The following COLEC11 variants were observed in gnomAD, a reference collection of about 807,000 sequenced individuals.
The protein encoded by COLEC11 is collectin subfamily member 11.
In COLEC11, 20 loss-of-function variants were observed where a neutral mutation model predicts 27.3. The ratio of observed to expected loss-of-function variants is 0.73; its 90% confidence interval spans 0.51 to 1.06. COLEC11 has a LOEUF of 1.06. Ranked by LOEUF, COLEC11 falls within the 50% of genes least tolerant of loss-of-function variation. COLEC11 has a pLI of 0.00. For missense variants in COLEC11, 310 were observed against 383.0 expected (o/e 0.81, Z 1.59); for synonymous variants, 163 against 154.7 (o/e 1.05, Z -0.40).
chr2:3,617,761 G>C, intron 3 of COLEC11: 1 of 1,108,560 alleles, frequency 9.0e-7, no homozygotes, highest in Non-Finnish European at 1.4e-6. Flanking sequence ...CTGAGTTGTC[G>C]CTTTTGATTT....
At chr2:3,596,315 A>AT (rs1030932128) in intron 1 of COLEC11, among the ~76,000 whole-genome samples, 5 of 146,718 alleles carry the variant, frequency 3.4e-5, no homozygotes, top group African/African-American at 1.3e-4. Flanking sequence ...TGAAGCCATG[A>AT]TTTTTTCTCA....
intron 1 of COLEC11, among the ~76,000 whole-genome samples, chr2:3,598,677 G>A (rs1010656611): frequency 2.6e-5 from 4 of 152,096 alleles, no homozygotes; most frequent in Non-Finnish European, 5.9e-5. Flanking sequence ...CACAGGCAGC[G>A]GGTGAGGGGT....
intron 4 of COLEC11, among the ~76,000 whole-genome samples, chr2:3,638,062 G>T (rs1395951709): frequency 6.6e-6 from 1 of 152,242 alleles, no homozygotes; most frequent in Admixed American, 6.5e-5. Flanking sequence ...GCAGCAGCGG[G>T]TGTGGGCAGC....
chr2:3,640,936 C>T (rs1351996414), intron 5 of COLEC11, among the ~76,000 whole-genome samples: 2 of 134,848 alleles, frequency 1.5e-5, no homozygotes, highest in Admixed American at 7.2e-5. Context: ...CACCCACCCC[C>T]GTCACATCCC....
chr2:3,637,570 T>TGA lies in COLEC11; in HGVS notation c.240_241insGA (p.Arg81AspfsTer21), dbSNP rs762031914. ...ACAAAGGACAGAAAGGCAGTGTGGG[T>TGA]CGTCATGGAAAAATTGGTCCCATTG... On this transcript the variant is annotated frameshift_variant, in exon 4 of 7. Transcript: ENST00000349077. LOFTEE classifies it high-confidence loss of function. 27 of 1,614,100 alleles carry TGA rather than the reference T, an allele frequency of 1.7e-5. No individual in the cohort carries two copies. In the African/African-American group the frequency reaches 3.3e-4, roughly 20 times the overall value.
intron 2 of COLEC11, among the ~76,000 whole-genome samples, chr2:3,609,869 G>T (rs545942067): frequency 6.6e-6 from 1 of 152,318 alleles, no homozygotes; most frequent in South Asian, 2.1e-4. Flanking sequence ...TTGCTGTGTT[G>T]CCCAGGCTGG....
chr2:3,606,298 G>A (rs7561319), intron 2 of COLEC11: 107,844 of 1,470,892 alleles, frequency 0.073, 6,681 homozygotes, highest in African/African-American at 0.32. Flanking sequence ...TCCTTTCTGG[G>A]CGCCGCCTTT....
intron 2 of COLEC11, chr2:3,606,068 A>T: frequency 1.9e-6 from 3 of 1,548,234 alleles, no homozygotes; most frequent in Non-Finnish European, 2.6e-6. Context: ...TTTTGGTGAA[A>T]GTGGCTTTGG....
chr2:3,611,835 T>C (rs1663217168), intron 2 of COLEC11, among the ~76,000 whole-genome samples: 1 of 151,994 alleles, frequency 6.6e-6, no homozygotes. Flanking sequence ...ATCTGTAATC[T>C]CAACTGAGCC....
At chr2:3,627,248 G>A (rs772067526) in intron 3 of COLEC11, among the ~76,000 whole-genome samples, 4 of 150,338 alleles carry the variant, frequency 2.7e-5, no homozygotes, top group Non-Finnish European at 4.4e-5. Context: ...ACTCAACTTC[G>A]CCTGGGCATG....
At chr2:3,641,273 C>T (rs1665843978) in intron 5 of COLEC11, 3 of 1,304,186 alleles carry the variant, frequency 2.3e-6, no homozygotes, top group Non-Finnish European at 3.0e-6. Flanking sequence ...GGAGGAACGG[C>T]TGCTTGGAAG....
chr2:3,600,234 C>CAA (rs35252259), intron 1 of COLEC11, among the ~76,000 whole-genome samples: 110 of 80,570 alleles, frequency 1.4e-3, no homozygotes, highest in Non-Finnish European at 1.9e-3. Context: ...GACTCTGTCT[C>CAA]AAAAAAAAAA....
At chr2:3,636,992 C>T (rs1053632738) in intron 3 of COLEC11, among the ~76,000 whole-genome samples, 4 of 152,148 alleles carry the variant, frequency 2.6e-5, no homozygotes, top group East Asian at 1.9e-4. Context: ...CAGGTCAGGT[C>T]GGGAGGCATC....
intron 1 of COLEC11, chr2:3,603,612 T>C (rs2147852764): frequency 6.4e-7 from 1 of 1,550,644 alleles, no homozygotes; most frequent in Non-Finnish European, 8.7e-7. Context: ...CCACTGCGCC[T>C]GGTCTTGTTT....
intron 2 of COLEC11, among the ~76,000 whole-genome samples, chr2:3,611,006 T>C (rs1663145990): frequency 6.6e-6 from 1 of 152,228 alleles, no homozygotes; most frequent in African/African-American, 2.4e-5. Flanking sequence ...GTTACTTTTC[T>C]CTGATTTTCC....
intron 2 of COLEC11, among the ~76,000 whole-genome samples, chr2:3,612,567 G>C (rs1190697550): frequency 6.6e-6 from 1 of 152,226 alleles, no homozygotes; most frequent in East Asian, 1.9e-4. Context: ...TGAATCTAGA[G>C]ACATAATAGA....
intron 1 of COLEC11, among the ~76,000 whole-genome samples, chr2:3,598,226 G>A (rs1661991219): frequency 6.6e-6 from 1 of 152,208 alleles, no homozygotes; most frequent in Admixed American, 6.5e-5. Flanking sequence ...GTGAGCCACT[G>A]TGCTTGGCCC....
At chr2:3,637,074 C>T (rs1665470355) in intron 3 of COLEC11, among the ~76,000 whole-genome samples, 2 of 152,178 alleles carry the variant, frequency 1.3e-5, no homozygotes, top group South Asian at 4.1e-4. Context: ...GGCTTTTCCA[C>T]CTGCCACCCA....
At chr2:3,603,443 A>C in intron 1 of COLEC11, 1 of 563,668 alleles carries the variant, frequency 1.8e-6, no homozygotes, top group South Asian at 1.9e-5. Flanking sequence ...CAGCCTCCCA[A>C]GTAGCTGGGA....
Sources: allele counts gnomAD v4.1 joint callset (sites outside exome capture counted in the v4.1 genomes callset), GRCh38; gene constraint gnomAD v4.1.1; transcripts MANE v1.5; gene names NCBI Gene and HGNC (gene_info 2026-07-23, HGNC 2026-07-21).